Variants in GRIA2 observed in about 807,000 individuals in gnomAD.
The protein encoded by GRIA2 is glutamate receptor 2.
GRIA2 carries 14 observed loss-of-function variants against 97.3 expected under a neutral mutation model. The ratio of observed to expected loss-of-function variants is 0.14; its 90% CI spans 0.10 to 0.23. GRIA2 has a LOEUF of 0.23. Ranked by LOEUF, GRIA2 falls within the 10% of genes least tolerant of loss-of-function variation. The pLI is 1.00. For missense variants in GRIA2, 558 were observed against 1,069.8 expected, an observed-to-expected ratio of 0.52 and a Z score of 6.67; for synonymous variants, 412 against 387.8, an observed-to-expected ratio of 1.06 and a Z score of -0.73.
intron 4 of GRIA2, among the ~76,000 whole-genome samples, chr4:157,313,958 GA>G (rs1266199302): frequency 1.3e-5 from 2 of 152,026 alleles, no homozygotes; most frequent in African/African-American, 4.8e-5. Flanking sequence ...AAATCATAAG[GA>G]AAACATATTT....
intron 12 of GRIA2, among the ~76,000 whole-genome samples, chr4:157,341,854 A>G (rs1053166463): frequency 1.3e-5 from 2 of 152,152 alleles, no homozygotes; most frequent in African/African-American, 4.8e-5. Flanking sequence ...AAAAACTCAC[A>G]TTCAAACCAA....
intron 2 of GRIA2, among the ~76,000 whole-genome samples, chr4:157,240,179 A>G (rs1730441831): frequency 6.6e-6 from 1 of 152,168 alleles, no homozygotes; most frequent in Non-Finnish European, 1.5e-5. Context: ...ATGCATGTAT[A>G]TGCATGGGTG....
intron 12 of GRIA2, among the ~76,000 whole-genome samples, chr4:157,355,961 A>ATATATATTTT (rs1560781292): frequency 2.7e-5 from 1 of 36,682 alleles, no homozygotes; most frequent in Admixed American, 5.9e-4. Flanking sequence ...TTATATATTT[A>ATATATATTTT]TGTATATTAA....
intron 2 of GRIA2, among the ~76,000 whole-genome samples, chr4:157,287,431 T>TA (rs1732894107): frequency 6.6e-6 from 1 of 151,674 alleles, no homozygotes; most frequent in South Asian, 2.1e-4. Flanking sequence ...TTTTTCTTTC[T>TA]AAAAAAGTTT....
At chr4:157,352,748 C>T (rs373519248) in intron 12 of GRIA2, among the ~76,000 whole-genome samples, 3,322 of 138,966 alleles carry the variant, frequency 0.024, 135 homozygotes, top group African/African-American at 0.084. Context: ...ACACACACAA[C>T]AACAACAACA....
intron 6 of GRIA2, among the ~76,000 whole-genome samples, chr4:157,329,965 G>T (rs184257222): frequency 6.6e-6 from 1 of 151,900 alleles, no homozygotes; most frequent in Admixed American, 6.6e-5. Flanking sequence ...TGTGAAGCTG[G>T]GTAAAATGAA....
At chr4:157,245,408 G>A (rs1307022002) in intron 2 of GRIA2, among the ~76,000 whole-genome samples, 1 of 151,966 alleles carries the variant, frequency 6.6e-6, no homozygotes, top group Non-Finnish European at 1.5e-5. Context: ...GTCATTCAAA[G>A]GAATAGAGTC....
At chr4:157,331,654 C>T (rs928043038) in intron 6 of GRIA2, among the ~76,000 whole-genome samples, 1 of 151,880 alleles carries the variant, frequency 6.6e-6, no homozygotes, top group Non-Finnish European at 1.5e-5. Flanking sequence ...CCTGTATTGT[C>T]ATCTCAGGTG....
chr4:157,278,046 A>G (rs1329120234), intron 2 of GRIA2, among the ~76,000 whole-genome samples: 1 of 151,478 alleles, frequency 6.6e-6, no homozygotes, highest in African/African-American at 2.4e-5. Flanking sequence ...GTTCATCCCA[A>G]CTTGATTTAT....
intron 2 of GRIA2, among the ~76,000 whole-genome samples, chr4:157,278,480 A>C (rs1732449337): frequency 6.6e-6 from 1 of 152,024 alleles, no homozygotes; most frequent in Admixed American, 6.6e-5. Context: ...CTCAAAAGGG[A>C]GCATAGGACT....
At chr4:157,312,127 GA>G (rs562885065) in intron 3 of GRIA2, among the ~76,000 whole-genome samples, 14 of 149,594 alleles carry the variant, frequency 9.4e-5, no homozygotes, top group Admixed American at 6.0e-4. Flanking sequence ...ACTGTGGAAG[GA>G]AAAAAAAATG....
rs562339574 is a variant in GRIA2, at chr4:157,299,137, A to G, written c.230-4415A>G. Among the ~76,000 whole-genome samples the G allele has an allele frequency of 5.3e-5, 8 of 152,220 alleles. No individual in the cohort carries two copies. In the East Asian group the frequency reaches 1.5e-3, roughly 29 times the overall value. ...ACTAGTAGCAGCGGAAAGGGAAAGA[A>G]TTTTAAGAGGCAAATTTTGGTCTAA... On this transcript the variant is annotated intron_variant, in intron 2 of 15. Transcript: ENST00000264426.
At position 157,312,683 on chromosome 4, in the gene GRIA2, A is replaced by G; in HGVS notation, c.474A>G (p.Leu158=). Residue 158 remains leucine (L), a synonymous_variant, in exon 4 of 16, where the codon TTA becomes TTG. Coordinates refer to ENST00000264426, the MANE Select transcript of GRIA2 (RefSeq NM_001083619.3). ...CATTTTTCTTTGCCTTCCTAGGCTT[A>G]TCAACACTGCAAGCTGTGCTGGATT... ...FAYLYDSDRG[L]STLQAVLDSA... 1 of 1,584,860 alleles carries G rather than the reference A, an allele frequency of 6.3e-7. No homozygotes were observed. The highest frequency in any genetic ancestry group is 8.6e-7 in the Non-Finnish European group (1 of 1,163,148).
At chr4:157,284,617 A>G (rs1732754923) in intron 2 of GRIA2, among the ~76,000 whole-genome samples, 1 of 151,658 alleles carries the variant, frequency 6.6e-6, no homozygotes, top group Non-Finnish European at 1.5e-5. Context: ...CTCATATTTG[A>G]TGTGTATCTT....
chr4:157,293,627 G>C (rs1466449928), intron 2 of GRIA2, among the ~76,000 whole-genome samples: 2 of 152,068 alleles, frequency 1.3e-5, no homozygotes, highest in Admixed American at 6.6e-5. Flanking sequence ...GTTTAAATTT[G>C]TGCTATAATA....
At chr4:157,360,219 C>G (rs4438801) in intron 13 of GRIA2, 76 bp downstream of exon 13, 93,745 of 1,462,782 alleles carry the variant, frequency 0.064, 3,264 homozygotes, top group Middle Eastern at 0.14. Flanking sequence ...TTAAGACTCT[C>G]TTACGGTTTG....
intron 2 of GRIA2, among the ~76,000 whole-genome samples, chr4:157,230,579 T>TTCTTTCCTTCCTTCCTTCTTTCC (rs1554005283): frequency 7.4e-6 from 1 of 135,814 alleles, no homozygotes; most frequent in African/African-American, 2.9e-5. Flanking sequence ...TCCTTCCTTC[T>TTCTTTCCTTCCTTCCTTCTTTCC]TTCCTTCCTT....
At chr4:157,332,312 G>A (rs1735085539) in intron 6 of GRIA2, among the ~76,000 whole-genome samples, 1 of 151,918 alleles carries the variant, frequency 6.6e-6, no homozygotes, top group Admixed American at 6.6e-5. Flanking sequence ...ATCGCCTAGG[G>A]GAGCCTAAGT....
At chr4:157,231,098 G>A (rs1729994346) in intron 2 of GRIA2, among the ~76,000 whole-genome samples, 1 of 152,012 alleles carries the variant, frequency 6.6e-6, no homozygotes, top group Non-Finnish European at 1.5e-5. Flanking sequence ...AGAGTGTGGT[G>A]TTGCAGTCTC....
Sources: gnomAD v4.1 joint callset for allele counts (sites outside exome capture counted in the v4.1 genomes callset) on GRCh38, gnomAD v4.1.1 for gene constraint, MANE v1.5 for transcripts, NCBI Gene and HGNC (gene_info 2026-07-23, HGNC 2026-07-21) for gene names.